The following PI4K2B variants were observed in gnomAD, a reference collection of about 807,000 sequenced individuals.
PI4K2B encodes the protein phosphatidylinositol 4-kinase type 2 beta.
In PI4K2B, 46 loss-of-function variants were observed where a neutral mutation model predicts 56.6. The ratio of observed to expected loss-of-function variants is 0.81; its 90% CI spans 0.64 to 1.04. The LOEUF is 1.04. Ranked by LOEUF, PI4K2B falls within the 50% of genes least tolerant of loss-of-function variation. The probability of loss-of-function intolerance (pLI) is 0.00; values close to 1 mark genes in which losing one functional copy is unlikely to be tolerated. For synonymous variants in PI4K2B, 211 were observed against 223.8 expected (o/e 0.94, Z 0.51); for missense variants, 556 against 607.7 (o/e 0.91, Z 0.89).
chr4:25,276,534 GT>G, intron 9 of PI4K2B: 1 of 514,060 alleles, frequency 1.9e-6, no homozygotes, highest in Non-Finnish European at 2.5e-6. Context: ...AAGTTTGCTT[GT>G]TTTTTTAACT....
intron 4 of PI4K2B, among the ~76,000 whole-genome samples, chr4:25,257,712 C>A (rs1474233548): frequency 6.6e-6 from 1 of 152,124 alleles, no homozygotes; most frequent in Non-Finnish European, 1.5e-5. Context: ...AGTAGGAATT[C>A]ATCATTAACC....
Position 25,261,633 on chromosome 4 carries a change from G to A in PI4K2B, c.978+1042G>A, listed in dbSNP as rs987155652. On this transcript the variant is annotated intron_variant, in intron 6 of 9. Transcript: ENST00000264864. ...CAAGGATATTTAAAAATACATATTC[G>A]TAGCACTTAGCAATAAAAAGGAACA... 3.9e-5 allele frequency among the ~76,000 whole-genome samples: 6 copies of A among 152,188 alleles called. No homozygotes were observed. The East Asian group carries it at 1.2e-3, about 29-fold the overall frequency.
chr4:25,270,978 T>A (rs1444074125), intron 9 of PI4K2B, among the ~76,000 whole-genome samples: 1 of 152,204 alleles, frequency 6.6e-6, no homozygotes, highest in East Asian at 1.9e-4. Context: ...TTGACAGAAC[T>A]AGTGCTGGCA....
At chr4:25,253,111 G>A (rs1352759541) in intron 2 of PI4K2B, among the ~76,000 whole-genome samples, 1 of 152,164 alleles carries the variant, frequency 6.6e-6, no homozygotes, top group Non-Finnish European at 1.5e-5. Context: ...GCCAAACACG[G>A]TGGAAGGTTA....
intron 2 of PI4K2B, chr4:25,254,392 AT>A (rs1207539987): frequency 2.3e-6 from 2 of 878,460 alleles, no homozygotes; most frequent in Non-Finnish European, 2.7e-6. Flanking sequence ...GTTTTGAAAC[AT>A]TTAAAAATCA....
chr4:25,246,201 C>T (rs1277184320), intron 1 of PI4K2B, among the ~76,000 whole-genome samples: 1 of 152,070 alleles, frequency 6.6e-6, no homozygotes, highest in African/African-American at 2.4e-5. Flanking sequence ...AAAGCTTCCA[C>T]AGTGTGGAAG....
chr4:25,248,596 TGG>T (rs747554294), intron 1 of PI4K2B, among the ~76,000 whole-genome samples: 1 of 90,514 alleles, frequency 1.1e-5, no homozygotes, highest in Non-Finnish European at 3.0e-5. Context: ...ACATGATGTA[TGG>T]TTTTTTTTTT....
rs1187371268 is a variant in PI4K2B, at chr4:25,278,794, T to C, written c.*1607T>C. On this transcript the variant is annotated 3_prime_UTR_variant, in exon 10 of 10. Transcript: ENST00000264864. ...GTGGGTACTGCTTTCATAAAACAGT[T>C]TTTTCAGTATTTTGAGAATTGCCAT... 1 of 152,624 alleles carries C rather than the reference T, an allele frequency of 6.6e-6. No homozygotes were observed. The highest frequency in any genetic ancestry group is 1.5e-5 in the Non-Finnish European group (1 of 68,040). 9.5% of individuals were successfully genotyped at this position (152,624 alleles called of 1,614,324 possible).
At chr4:25,250,734 G>C (rs1286041734) in intron 1 of PI4K2B, 3 of 152,222 alleles carry the variant, frequency 2.0e-5, no homozygotes, top group Admixed American at 2.0e-4. Flanking sequence ...GGTATAGAGA[G>C]GGACTGGGTG....
chr4:25,246,872 C>T (rs1017801128), intron 1 of PI4K2B, among the ~76,000 whole-genome samples: 1 of 152,228 alleles, frequency 6.6e-6, no homozygotes, highest in Non-Finnish European at 1.5e-5. Flanking sequence ...AAGCCCCTCA[C>T]TGCCTGGGGC....
intron 4 of PI4K2B, among the ~76,000 whole-genome samples, chr4:25,257,170 G>A (rs1716292060): frequency 6.6e-6 from 1 of 151,680 alleles, no homozygotes; most frequent in African/African-American, 2.4e-5. Flanking sequence ...TAATCTTCCT[G>A]CCTCAGGCTT....
chr4:25,249,489 C>A (rs1253122489), intron 1 of PI4K2B, among the ~76,000 whole-genome samples: 17 of 146,920 alleles, frequency 1.2e-4, no homozygotes, highest in African/African-American at 3.9e-4. Context: ...GGGCTGCCCC[C>A]CGCCTCCCGG....
intron 1 of PI4K2B, among the ~76,000 whole-genome samples, chr4:25,246,603 C>G (rs1257680126): frequency 6.6e-6 from 1 of 152,242 alleles, no homozygotes; most frequent in African/African-American, 2.4e-5. Flanking sequence ...AGCTGCCTGC[C>G]AGTCCCACGC....
intron 9 of PI4K2B, among the ~76,000 whole-genome samples, chr4:25,269,968 A>G (rs966692719): frequency 3.3e-5 from 5 of 152,170 alleles, no homozygotes; most frequent in Admixed American, 3.3e-4. Flanking sequence ...TGCCCGCCTC[A>G]GCCTCCCAAA....
At chr4:25,238,533 G>C (rs1715366204) in intron 1 of PI4K2B, among the ~76,000 whole-genome samples, 1 of 152,104 alleles carries the variant, frequency 6.6e-6, no homozygotes, top group South Asian at 2.1e-4. Flanking sequence ...TGTGTTCGGA[G>C]TTTGTTCCTT....
chr4:25,236,381 C>A (rs1441005255), intron 1 of PI4K2B, among the ~76,000 whole-genome samples: 2 of 151,820 alleles, frequency 1.3e-5, no homozygotes, highest in Non-Finnish European at 2.9e-5. Flanking sequence ...TGAAACCCTG[C>A]CTCTACTAAA....
intron 9 of PI4K2B, 24 bp downstream of exon 9, chr4:25,269,227 A>G: frequency 7.6e-7 from 1 of 1,318,534 alleles, no homozygotes; most frequent in South Asian, 1.2e-5. Context: ...TTATTTGTTC[A>G]TAAGGAAAAA....
At position 25,234,368 on chromosome 4, in the gene PI4K2B, G is replaced by C; in HGVS notation, c.205G>C (p.Gly69Arg). ...CGACGAGGAGCTGCCCCTCCCGCCC[G>C]GGGACGTGGGGGTCTCCCGGAGTTC... ...AGDEELPLPP[G>R]DVGVSRSSSA... The change falls in exon 1 of 10, where the codon GGG becomes CGG. Residue 69 changes from glycine to arginine, a missense_variant. Coordinates refer to ENST00000264864, the MANE Select transcript of PI4K2B (RefSeq NM_018323.4). 1 of 1,402,948 alleles carries C rather than the reference G, an allele frequency of 7.1e-7. No individual in the cohort carries two copies. The highest frequency in any genetic ancestry group is 9.3e-7 in the Non-Finnish European group (1 of 1,077,420). 86.9% of individuals were successfully genotyped at this position (1,402,948 alleles called of 1,614,324 possible).
chr4:25,245,312 A>T (rs1169976764), intron 1 of PI4K2B, among the ~76,000 whole-genome samples: 1 of 152,148 alleles, frequency 6.6e-6, no homozygotes, highest in African/African-American at 2.4e-5. Flanking sequence ...CTAACCTCGG[A>T]GAAGAGAGGC....
Sources: allele counts gnomAD v4.1 joint callset (sites outside exome capture counted in the v4.1 genomes callset), GRCh38; gene constraint gnomAD v4.1.1; transcripts MANE v1.5; gene names NCBI Gene and HGNC (gene_info 2026-07-23, HGNC 2026-07-21).